CNTNAP2: variants seen among roughly 807,000 people sequenced by gnomAD.
CNTNAP2 encodes contactin-associated protein-like 2.
A neutral mutation model predicts 155.2 loss-of-function variants in CNTNAP2; 98 were observed. The ratio of observed to expected loss-of-function variants is 0.63; its 90% CI spans 0.54 to 0.75. The LOEUF (loss-of-function observed/expected upper bound fraction) is 0.75. Ranked by LOEUF, CNTNAP2 falls within the 30% of genes least tolerant of loss-of-function variation. CNTNAP2 has a pLI of 0.00. For synonymous variants in CNTNAP2, 651 were observed against 631.2 expected (o/e 1.03, Z -0.47); for missense variants, 1,727 against 1,688.1 (o/e 1.02, Z -0.40).
chr7:148,120,101 G>A (rs1804567964), intron 16 of CNTNAP2, among the ~76,000 whole-genome samples: 1 of 150,654 alleles, frequency 6.6e-6, no homozygotes, highest in African/African-American at 2.4e-5. Flanking sequence ...CTATATTTGA[G>A]TGGTTCTGTA....
chr7:147,325,464 A>G (rs575733842), intron 9 of CNTNAP2, among the ~76,000 whole-genome samples: 1 of 152,174 alleles, frequency 6.6e-6, no homozygotes, highest in Admixed American at 6.5e-5. Context: ...TTTTCTGAAG[A>G]GGTGAAAGAA....
chr7:147,161,582 AT>A (rs1473488756), intron 8 of CNTNAP2: 1 of 151,548 alleles, frequency 6.6e-6, no homozygotes, highest in Non-Finnish European at 1.5e-5. Flanking sequence ...TCTTGCTTTG[AT>A]TCCAACTTAA....
At chr7:146,188,481 A>C (rs1352492444) in intron 1 of CNTNAP2, among the ~76,000 whole-genome samples, 1 of 152,214 alleles carries the variant, frequency 6.6e-6, no homozygotes, top group African/African-American at 2.4e-5. Context: ...AGCCAAATGT[A>C]AAGTCTCTTA....
chr7:148,385,736 GTTTTTTTTT>G (rs398006728), intron 22 of CNTNAP2, among the ~76,000 whole-genome samples: 4 of 95,354 alleles, frequency 4.2e-5, no homozygotes, highest in Admixed American at 1.3e-4. Flanking sequence ...AGTGTGACAG[GTTTTTTTTT>G]TTTTTTTTTT....
chr7:147,808,636 T>C (rs1403832282), intron 13 of CNTNAP2, among the ~76,000 whole-genome samples: 1 of 152,232 alleles, frequency 6.6e-6, no homozygotes, highest in Non-Finnish European at 1.5e-5. Context: ...CTCTGTTTGG[T>C]AGTGCAATTG....
At chr7:146,313,960 C>T (rs1239670420) in intron 1 of CNTNAP2, among the ~76,000 whole-genome samples, 1 of 152,086 alleles carries the variant, frequency 6.6e-6, no homozygotes, top group Non-Finnish European at 1.5e-5. Flanking sequence ...GATGGCACCA[C>T]TGCACTCCGG....
chr7:146,501,320 C>A (rs545564470), intron 1 of CNTNAP2, among the ~76,000 whole-genome samples: 253 of 152,134 alleles, frequency 1.7e-3, no homozygotes, highest in Non-Finnish European at 2.7e-3. Context: ...TGGTAGAATT[C>A]ACCAGTGAAT....
chr7:146,513,682 T>G (rs1424471450), intron 1 of CNTNAP2, among the ~76,000 whole-genome samples: 1 of 152,000 alleles, frequency 6.6e-6, no homozygotes, highest in Non-Finnish European at 1.5e-5. Flanking sequence ...TAAAAATTTG[T>G]GTTTTAGTCT....
At chr7:146,278,444 G>C (rs1443327173) in intron 1 of CNTNAP2, among the ~76,000 whole-genome samples, 3 of 152,144 alleles carry the variant, frequency 2.0e-5, no homozygotes, top group African/African-American at 7.2e-5. Flanking sequence ...GAGAAGAAAA[G>C]TTTAAAAAAT....
chr7:147,596,031 C>T (rs919422583), intron 12 of CNTNAP2, among the ~76,000 whole-genome samples: 1 of 152,158 alleles, frequency 6.6e-6, no homozygotes, highest in Non-Finnish European at 1.5e-5. Flanking sequence ...CGTCTTCATG[C>T]TGCAGCTCCA....
intron 8 of CNTNAP2, among the ~76,000 whole-genome samples, chr7:147,195,956 G>C (rs186043745): frequency 6.6e-6 from 1 of 152,286 alleles, no homozygotes; most frequent in East Asian, 1.9e-4. Flanking sequence ...ACTGTAGTGA[G>C]AGATAGATTC....
intron 1 of CNTNAP2, among the ~76,000 whole-genome samples, chr7:146,336,528 A>G (rs540679030): frequency 2.4e-4 from 35 of 148,286 alleles, no homozygotes; most frequent in Admixed American, 8.5e-4. Context: ...CCGAAAGCAT[A>G]ATCCATAAAG....
chr7:148,002,681 G>T (rs1163347809), intron 15 of CNTNAP2, among the ~76,000 whole-genome samples: 1 of 152,058 alleles, frequency 6.6e-6, no homozygotes, highest in Non-Finnish European at 1.5e-5. Context: ...TTTAGGTTAG[G>T]ATCTTTAAAT....
intron 2 of CNTNAP2, among the ~76,000 whole-genome samples, chr7:146,779,085 G>A (rs1802438439): frequency 1.3e-5 from 2 of 152,156 alleles, no homozygotes; most frequent in South Asian, 4.1e-4. Flanking sequence ...GCACAGAGAA[G>A]GATGAATCAA....
In CNTNAP2 at chr7:148,318,661, T is replaced by C. The variant is rs142059640; in HGVS notation, c.3475+51535T>C. ...CAAAGCAGGTGGCATGGCATGTAAA[T>C]TGTAGGAACACTGTTAACCTTTGCA... On this transcript the variant is annotated intron_variant, in intron 21 of 23. Transcript: ENST00000361727. 3.0e-3 allele frequency among the ~76,000 whole-genome samples: 460 copies of C among 152,282 alleles called. 1 individual carries two copies. Among genetic ancestry groups the C allele is most frequent in the African/African-American group, 9.9e-3 (410 of 41,552 alleles).
chr7:146,286,535 C>T (rs374527379), intron 1 of CNTNAP2, among the ~76,000 whole-genome samples: 8 of 152,198 alleles, frequency 5.3e-5, no homozygotes, highest in East Asian at 3.9e-4. Context: ...TTAACACTTG[C>T]CATCTTCATA....
chr7:148,373,170 A>T (rs1261506104), intron 21 of CNTNAP2, among the ~76,000 whole-genome samples: 1 of 152,190 alleles, frequency 6.6e-6, no homozygotes, highest in African/African-American at 2.4e-5. Context: ...AAATAAAAAA[A>T]AAGTAGGCCA....
Position 147,316,774 on chromosome 7 carries a change from C to T in CNTNAP2, c.1498+16484C>T, listed in dbSNP as rs545750201. ...AATAACTAGAAAATGCCTAAATGAGCAACAGCAGAAAGATGCTAAAAGATA... is the reference window on the plus strand; with the variant it reads ...AATAACTAGAAAATGCCTAAATGAGTAACAGCAGAAAGATGCTAAAAGATA... On this transcript the variant is annotated intron_variant, in intron 9 of 23. Transcript: ENST00000361727. Among the ~76,000 whole-genome samples the T allele has an allele frequency of 8.5e-5, 13 of 152,094 alleles. No individual in the cohort carries two copies. In the East Asian group the frequency reaches 1.2e-3, roughly 14 times the overall value.
intron 2 of CNTNAP2, among the ~76,000 whole-genome samples, chr7:146,813,728 G>A (rs1401567558): frequency 6.6e-6 from 1 of 152,082 alleles, no homozygotes; most frequent in Non-Finnish European, 1.5e-5. Context: ...GGAGGGGTAA[G>A]GAGAGTGGAA....
Sources: allele counts gnomAD v4.1 joint callset (sites outside exome capture counted in the v4.1 genomes callset), GRCh38; gene constraint gnomAD v4.1.1; transcripts MANE v1.5; gene names NCBI Gene and HGNC (gene_info 2026-07-23, HGNC 2026-07-21).